The following NAV3 variants were observed in gnomAD, a reference collection of about 807,000 sequenced individuals.
NAV3 encodes neuron navigator 3, also known as pore membrane and/or filament interacting like protein 1.
NAV3 carries 87 observed loss-of-function variants against 244.7 expected under a neutral mutation model. The ratio of observed to expected loss-of-function variants is 0.36; its 90% confidence interval spans 0.30 to 0.42. NAV3 has a LOEUF of 0.42. Ranked by LOEUF, NAV3 falls within the 20% of genes least tolerant of loss-of-function variation. The pLI, the probability that NAV3 is intolerant of heterozygous loss-of-function variation, is 1.00. For synonymous variants in NAV3, 1,126 were observed against 1,042.2 expected, an observed-to-expected ratio of 1.08 and a Z score of -1.55; for missense variants, 2,663 against 2,893.3, an observed-to-expected ratio of 0.92 and a Z score of 1.83.
At chr12:77,727,064 TGAG>T (rs1051348856) in intron 2 of NAV3, among the ~76,000 whole-genome samples, 36 of 151,942 alleles carry the variant, frequency 2.4e-4, no homozygotes, top group Middle Eastern at 3.4e-3. Context: ...GAAGGAGACA[TGAG>T]GAGGTGGGGA....
At chr12:78,143,702 A>T (rs947624409) in intron 20 of NAV3, among the ~76,000 whole-genome samples, 5 of 151,888 alleles carry the variant, frequency 3.3e-5, no homozygotes, top group Admixed American at 6.6e-5. Context: ...ACTGTGAAAT[A>T]TTGTGAAATA....
intron 2 of NAV3, among the ~76,000 whole-genome samples, chr12:77,809,658 C>T (rs932684656): frequency 1.3e-5 from 2 of 152,180 alleles, no homozygotes; most frequent in Non-Finnish European, 1.5e-5. Context: ...TAACATTTTA[C>T]CCAGTGAACC....
intron 2 of NAV3, among the ~76,000 whole-genome samples, chr12:77,776,267 T>C (rs1870349656): frequency 6.6e-6 from 1 of 152,242 alleles, no homozygotes; most frequent in Non-Finnish European, 1.5e-5. Flanking sequence ...TCAGCTTTAA[T>C]TTTACATAAA....
At chr12:78,122,767 CT>C in intron 16 of NAV3, among the ~76,000 whole-genome samples, 1 of 152,194 alleles carries the variant, frequency 6.6e-6, no homozygotes, top group South Asian at 2.1e-4. Context: ...ACACTAGCTC[CT>C]TATGATGACT....
At chr12:77,879,465 C>T (rs1042628445) in intron 1 of NAV3, among the ~76,000 whole-genome samples, 5 of 151,808 alleles carry the variant, frequency 3.3e-5, no homozygotes, top group Non-Finnish European at 5.9e-5. Context: ...CGCAGGAGTT[C>T]GAGACCAGCC....
intron 2 of NAV3, among the ~76,000 whole-genome samples, chr12:77,798,768 A>G (rs1191066616): frequency 6.6e-6 from 1 of 152,190 alleles, no homozygotes; most frequent in African/African-American, 2.4e-5. Flanking sequence ...TTTGTTTGTT[A>G]CTGTGTTTAT....
At chr12:77,698,896 T>G (rs1434764194) in intron 2 of NAV3, among the ~76,000 whole-genome samples, 1 of 152,130 alleles carries the variant, frequency 6.6e-6, no homozygotes, top group Non-Finnish European at 1.5e-5. Context: ...GTTTGGTTTT[T>G]TATTGTTTAC....
At chr12:78,047,945 A>T (rs372788705) in intron 9 of NAV3, among the ~76,000 whole-genome samples, 1 of 151,844 alleles carries the variant, frequency 6.6e-6, no homozygotes, top group South Asian at 2.1e-4. Context: ...TTTATGCTTT[A>T]TTTCAGTAAG....
chr12:77,741,148 C>CAA, intron 2 of NAV3, among the ~76,000 whole-genome samples: 21,119 of 68,250 alleles, frequency 0.31, 3,139 homozygotes, highest in East Asian at 0.56. Flanking sequence ...AAAAAAAAGA[C>CAA]AAAAAAAAAA....
At chr12:78,176,480 A>T (rs1958231653) in intron 26 of NAV3, 21 bp downstream of exon 26, 1 of 1,612,000 alleles carries the variant, frequency 6.2e-7, no homozygotes, top group Admixed American at 1.7e-5. Context: ...ACCGTGGACA[A>T]TTTGGCATGC....
intron 34 of NAV3, among the ~76,000 whole-genome samples, chr12:78,193,289 A>G (rs1163208839): frequency 1.3e-5 from 2 of 152,222 alleles, no homozygotes; most frequent in Non-Finnish European, 2.9e-5. Context: ...TGAGAGCAGT[A>G]CACATAAACA....
At chr12:77,890,350 A>T (rs1366794287) in intron 1 of NAV3, among the ~76,000 whole-genome samples, 5 of 152,064 alleles carry the variant, frequency 3.3e-5, no homozygotes, top group African/African-American at 1.2e-4. Flanking sequence ...TCCTTAGCTC[A>T]AGCAATCCCC....
At chr12:78,163,526 C>T (rs775837480) in intron 23 of NAV3, among the ~76,000 whole-genome samples, 10 of 152,048 alleles carry the variant, frequency 6.6e-5, no homozygotes, top group Admixed American at 1.3e-4. Context: ...TGAGATCATG[C>T]CACTGCACTC....
chr12:77,869,565 C>T (rs1880625738), intron 1 of NAV3, among the ~76,000 whole-genome samples: 1 of 152,106 alleles, frequency 6.6e-6, no homozygotes, highest in Non-Finnish European at 1.5e-5. Flanking sequence ...TCTGCAGTTT[C>T]CTTCCATTAC....
rs192178692 is a variant in NAV3, at chr12:77,843,721, C to T, written c.243+12017C>T. On this transcript the variant is annotated intron_variant, in intron 1 of 39. Transcript: ENST00000397909. ...ATTGTTTTATTTAGAACAGGTTTGC[C>T]GTCTCTAATTGTGACGATCAAAAAT... is the stretch of plus-strand genomic sequence containing the variant. Among the ~76,000 whole-genome samples the T allele has an allele frequency of 1.8e-3, 277 of 151,848 alleles. 2 individuals are homozygous for T. Among genetic ancestry groups the T allele is most frequent in the Admixed American group, 3.2e-3 (49 of 15,228 alleles).
chr12:78,109,301 C>A (rs1954967303), intron 12 of NAV3, among the ~76,000 whole-genome samples: 1 of 151,910 alleles, frequency 6.6e-6, no homozygotes, highest in Non-Finnish European at 1.5e-5. Flanking sequence ...AAAATTGAAT[C>A]AGTAATAAAA....
At chr12:77,934,801 G>A (rs2137379138) in intron 1 of NAV3, among the ~76,000 whole-genome samples, 1 of 152,272 alleles carries the variant, frequency 6.6e-6, no homozygotes, top group South Asian at 2.1e-4. Context: ...GAAATGTAAT[G>A]CTACTGCTTG....
intron 9 of NAV3, among the ~76,000 whole-genome samples, chr12:78,027,083 G>C (rs12319812): frequency 0.063 from 9,578 of 152,114 alleles, 966 homozygotes; most frequent in African/African-American, 0.22. Context: ...TTCTACAGAA[G>C]TAATGTTAGA....
chr12:77,741,135 G>GAAAAAAAAAA (rs71088333), intron 2 of NAV3, among the ~76,000 whole-genome samples: 5 of 60,748 alleles, frequency 8.2e-5, no homozygotes, highest in East Asian at 3.7e-4. Context: ...AATAGTCAAA[G>GAAAAAAAAAA]AAAAAAAAAA....
Sources: gnomAD v4.1 joint callset for allele counts (sites outside exome capture counted in the v4.1 genomes callset) on GRCh38, gnomAD v4.1.1 for gene constraint, MANE v1.5 for transcripts, NCBI Gene and HGNC (gene_info 2026-07-23, HGNC 2026-07-21) for gene names.